The following KCND2 variants were observed in gnomAD, a reference collection of about 807,000 sequenced individuals.
The protein encoded by KCND2 is A-type voltage-gated potassium channel KCND2.
A neutral mutation model predicts 54.4 loss-of-function variants in KCND2; 16 were observed. That is an observed-to-expected ratio of 0.29 (90% CI 0.20 to 0.45). The LOEUF is 0.45. Ranked by LOEUF, KCND2 falls within the 20% of genes least tolerant of loss-of-function variation. The pLI, the probability that KCND2 is intolerant of heterozygous loss-of-function variation, is 1.00. For synonymous variants in KCND2, 317 were observed against 310.7 expected (o/e 1.02, Z -0.21); for missense variants, 486 against 824.2 (o/e 0.59, Z 5.02).
At chr7:120,712,614 A>G (rs138152287) in intron 1 of KCND2, among the ~76,000 whole-genome samples, 1,643 of 152,224 alleles carry the variant, frequency 0.011, 22 homozygotes, top group African/African-American at 0.031. Flanking sequence ...CAAATGAATA[A>G]AAGACTAATA....
chr7:120,425,148 A>T (rs1801686316), intron 1 of KCND2, among the ~76,000 whole-genome samples: 1 of 152,134 alleles, frequency 6.6e-6, no homozygotes, highest in Non-Finnish European at 1.5e-5. Context: ...CTTCACTGCT[A>T]TGTTTATATT....
At chr7:120,597,315 A>G (rs926961325) in intron 1 of KCND2, among the ~76,000 whole-genome samples, 1 of 152,224 alleles carries the variant, frequency 6.6e-6, no homozygotes, top group African/African-American at 2.4e-5. Context: ...GTCCAAACAA[A>G]GAATCGTCTG....
intron 1 of KCND2, among the ~76,000 whole-genome samples, chr7:120,497,668 T>C (rs1241058135): frequency 4.6e-5 from 7 of 152,178 alleles, no homozygotes; most frequent in Non-Finnish European, 1.0e-4. Flanking sequence ...ACACTCAATG[T>C]CCGTTCAGCA....
At chr7:120,404,399 CTCTTAATGT>C (rs1180166641) in intron 1 of KCND2, among the ~76,000 whole-genome samples, 1 of 152,128 alleles carries the variant, frequency 6.6e-6, no homozygotes, top group East Asian at 1.9e-4. Flanking sequence ...TTTGTGACAT[CTCTTAATGT>C]CACATTTCTT....
At chr7:120,511,817 G>A (rs1803120374) in intron 1 of KCND2, among the ~76,000 whole-genome samples, 1 of 152,056 alleles carries the variant, frequency 6.6e-6, no homozygotes, top group Non-Finnish European at 1.5e-5. Context: ...AGAAATATTA[G>A]GCTAATATAC....
chr7:120,416,159 A>G (rs538920835), intron 1 of KCND2, among the ~76,000 whole-genome samples: 2 of 152,212 alleles, frequency 1.3e-5, no homozygotes, highest in African/African-American at 4.8e-5. Context: ...TTTTTTATAC[A>G]TATATAACAG....
chr7:120,403,142 A>T (rs1044198295), intron 1 of KCND2, among the ~76,000 whole-genome samples: 1 of 152,160 alleles, frequency 6.6e-6, no homozygotes, highest in Non-Finnish European at 1.5e-5. Context: ...CCTTCCAGGG[A>T]TTAACCCAAA....
intron 1 of KCND2, among the ~76,000 whole-genome samples, chr7:120,515,265 C>T (rs1803179606): frequency 1.3e-5 from 2 of 152,080 alleles, no homozygotes; most frequent in Non-Finnish European, 2.9e-5. Context: ...CTTCATGGCT[C>T]AGTGGAAACA....
chr7:120,475,863 A>G (rs1419827251), intron 1 of KCND2, among the ~76,000 whole-genome samples: 3 of 152,206 alleles, frequency 2.0e-5, no homozygotes, highest in Non-Finnish European at 4.4e-5. Context: ...AAGAAATAGA[A>G]TATTATAACA....
chr7:120,384,696 G>A (rs1800962850), intron 1 of KCND2, among the ~76,000 whole-genome samples: 2 of 152,086 alleles, frequency 1.3e-5, no homozygotes, highest in Admixed American at 1.3e-4. Context: ...TAGCTTAAGT[G>A]AACCCTTGTT....
At chr7:120,445,467 G>A (rs563086073) in intron 1 of KCND2, among the ~76,000 whole-genome samples, 11 of 152,034 alleles carry the variant, frequency 7.2e-5, no homozygotes, top group Non-Finnish European at 1.6e-4. Flanking sequence ...CAGTTACCAC[G>A]TCTGTCATCT....
chr7:120,618,970 G>A (rs751128911), intron 1 of KCND2, among the ~76,000 whole-genome samples: 5 of 151,990 alleles, frequency 3.3e-5, no homozygotes, highest in Non-Finnish European at 5.9e-5. Flanking sequence ...CACCAGGTCC[G>A]GCTATTCATA....
chr7:120,313,525 G>A (rs1227886393), intron 1 of KCND2, among the ~76,000 whole-genome samples: 1 of 151,910 alleles, frequency 6.6e-6, no homozygotes, highest in Non-Finnish European at 1.5e-5. Context: ...ACTTAAACCC[G>A]ATTTTCCATG....
At chr7:120,388,356 C>T (rs2116044903) in intron 1 of KCND2, among the ~76,000 whole-genome samples, 1 of 152,174 alleles carries the variant, frequency 6.6e-6, no homozygotes, top group South Asian at 2.1e-4. Flanking sequence ...CCAACAGTAT[C>T]TGCATTAATT....
intron 1 of KCND2, among the ~76,000 whole-genome samples, chr7:120,596,863 G>C (rs78227401): frequency 6.6e-6 from 1 of 152,112 alleles, no homozygotes; most frequent in Non-Finnish European, 1.5e-5. Context: ...GCTGAGATCT[G>C]ACAGAAAGAT....
At position 120,358,481 on chromosome 7, in the gene KCND2, T is replaced by C. The variant is rs534969246; in HGVS notation, c.1115+82734T>C. ...ATTCAAACTTTTCAGATTTTGGTGC[T>C]TTAATGACTTCAATTTAAGGTTTCC... On this transcript the variant is annotated intron_variant, in intron 1 of 5. Transcript: ENST00000331113. 2.0e-5 allele frequency among the ~76,000 whole-genome samples: 3 copies of C among 152,294 alleles called. No individual in the cohort carries two copies. The South Asian group carries it at 6.2e-4, about 32-fold the overall frequency.
At chr7:120,348,204 G>A (rs891172833) in intron 1 of KCND2, among the ~76,000 whole-genome samples, 3 of 152,088 alleles carry the variant, frequency 2.0e-5, no homozygotes, top group Non-Finnish European at 4.4e-5. Context: ...AAATATCATA[G>A]ATAAATCTCT....
At chr7:120,737,520 A>G (rs1400060560) in intron 2 of KCND2, among the ~76,000 whole-genome samples, 1 of 151,962 alleles carries the variant, frequency 6.6e-6, no homozygotes. Context: ...TAGCCCTGCC[A>G]TCTCCAGGAT....
At chr7:120,734,726 C>A (rs552374841) in intron 2 of KCND2, among the ~76,000 whole-genome samples, 98 of 152,156 alleles carry the variant, frequency 6.4e-4, no homozygotes, top group African/African-American at 2.3e-3. Flanking sequence ...ATATCTTTGT[C>A]CTTTAAGGAT....
Sources: gnomAD v4.1 joint callset for allele counts (sites outside exome capture counted in the v4.1 genomes callset) on GRCh38, gnomAD v4.1.1 for gene constraint, MANE v1.5 for transcripts, NCBI Gene and HGNC (gene_info 2026-07-23, HGNC 2026-07-21) for gene names.